Variants in JPH3 observed in about 807,000 individuals in gnomAD.
The protein encoded by JPH3 is junctophilin 3.
A neutral mutation model predicts 59.6 loss-of-function variants in JPH3; 11 were observed. The ratio of observed to expected loss-of-function variants is 0.18; its 90% confidence interval spans 0.12 to 0.31. JPH3 has a LOEUF of 0.31. Among genes scored for constraint, JPH3 ranks in the 10% least tolerant of loss-of-function variants. The pLI is 1.00. For synonymous variants in JPH3, 673 were observed against 483.6 expected (o/e 1.39, Z -5.14); for missense variants, 1,202 against 1,105.7 (o/e 1.09, Z -1.24).
chr16:87,635,787 C>G (rs933627064), intron 1 of JPH3, among the ~76,000 whole-genome samples: 1 of 152,186 alleles, frequency 6.6e-6, no homozygotes, highest in African/African-American at 2.4e-5. Flanking sequence ...CCACGTCTTC[C>G]GACTTCCTCT....
chr16:87,694,004 C>T (rs1261438320), intron 4 of JPH3: 4 of 152,382 alleles, frequency 2.6e-5, no homozygotes, highest in Middle Eastern at 6.8e-3. Context: ...AGGAGCCTCC[C>T]GAGGAAGCTG....
chr16:87,674,905 C>T (rs1025125755), intron 2 of JPH3, among the ~76,000 whole-genome samples: 4 of 152,000 alleles, frequency 2.6e-5, no homozygotes, highest in African/African-American at 7.3e-5. Context: ...GGACTACAGG[C>T]GCCTGCCACC....
intron 3 of JPH3, 137 bp downstream of exon 3, chr16:87,684,403 C>T: frequency 7.3e-7 from 1 of 1,365,988 alleles, no homozygotes; most frequent in Non-Finnish European, 9.9e-7. Flanking sequence ...TGCCCGGTGT[C>T]TTCCTCTCCC....
intron 2 of JPH3, among the ~76,000 whole-genome samples, chr16:87,663,239 G>A (rs1439694974): frequency 1.3e-5 from 2 of 151,882 alleles, no homozygotes; most frequent in Non-Finnish European, 2.9e-5. Flanking sequence ...CTCCCAAGTA[G>A]TTGGGACTAC....
At chr16:87,630,463 G>A (rs1194898700) in intron 1 of JPH3, among the ~76,000 whole-genome samples, 1 of 151,526 alleles carries the variant, frequency 6.6e-6, no homozygotes, top group African/African-American at 2.4e-5. Context: ...TGGGGAGCAG[G>A]ACTGTGCATC....
At chr16:87,620,867 ACTGGGCCCCTGGG>A (rs2031160318) in intron 1 of JPH3, among the ~76,000 whole-genome samples, 1 of 152,162 alleles carries the variant, frequency 6.6e-6, no homozygotes, top group African/African-American at 2.4e-5. Context: ...TTCGAAAGAA[ACTGGGCCCCTGGG>A]CTGGGTACGG....
At chr16:87,672,093 G>T (rs1016664555) in intron 2 of JPH3, among the ~76,000 whole-genome samples, 1 of 152,072 alleles carries the variant, frequency 6.6e-6, no homozygotes, top group Non-Finnish European at 1.5e-5. Context: ...GCCGGGCGGG[G>T]TTCACCTGCT....
rs199666710 is a variant in JPH3, at chr16:87,696,600, G to T, written c.2187G>T (p.Val729=). The change falls in exon 5 of 5, where the codon GTG becomes GTT. Residue 729 remains valine, a synonymous_variant. Transcript: ENST00000284262. The part of the protein sequence containing the change: ...KSSTGSAPIL[V]VMVILLNIGV... ...TCCAGGGCTCAGCGCCTATCCTGGT[G>T]GTCATGGTGATCTTGCTCAACATCG... 6.2e-7 allele frequency: 1 copy of T among 1,613,566 alleles called. No individual in the cohort carries two copies.
At chr16:87,673,134 C>T (rs927850386) in intron 2 of JPH3, among the ~76,000 whole-genome samples, 4 of 150,562 alleles carry the variant, frequency 2.7e-5, no homozygotes, top group East Asian at 3.9e-4. Flanking sequence ...CGACACAGTG[C>T]GACTCTGTCA....
In JPH3 at chr16:87,640,524, G is replaced by C. The variant is rs181874904; in HGVS notation, c.383-3734G>C. Reference sequence around the variant, plus strand: ...TCCTGCCTCAGCCTCTTGAGTACCTGGGATTACAGGCACCCATCACCATGC... The same window carrying C: ...TCCTGCCTCAGCCTCTTGAGTACCTCGGATTACAGGCACCCATCACCATGC... On this transcript the variant is annotated intron_variant, in intron 1 of 4. Coordinates refer to ENST00000284262, the MANE Select transcript of JPH3 (RefSeq NM_020655.4). 1.1e-4 allele frequency among the ~76,000 whole-genome samples: 16 copies of C among 151,802 alleles called. No individual in the cohort carries two copies. In the East Asian group the frequency reaches 3.0e-3, roughly 28 times the overall value.
Position 87,690,409 on chromosome 16 carries a change from G to A in JPH3, c.2049G>A (p.Leu683=), listed in dbSNP as rs1322155062. 1 of 1,504,646 alleles carries A rather than the reference G, an allele frequency of 6.6e-7. No individual in the cohort carries two copies. Among genetic ancestry groups the A allele is most frequent in the Non-Finnish European group, 8.9e-7 (1 of 1,129,266 alleles). The allele number at this position is 1,504,646 out of a possible 1,614,324, so 93.2% of individuals were successfully genotyped here. A position where few individuals can be genotyped will look rare whatever the true frequency, so the allele number is the denominator to read the frequency against. The change falls in exon 4 of 5, where the codon CTG becomes CTA. Residue 683 remains leucine (L), a synonymous_variant. Transcript: ENST00000284262. Reference sequence around the variant, plus strand: ...TGCAGAAACTGGCGAGCCTGCGGCTGGGCGGGGCCGAGCCCCGGTTGCTGC... The same window carrying A: ...TGCAGAAACTGGCGAGCCTGCGGCTAGGCGGGGCCGAGCCCCGGTTGCTGC... ...PAVQKLASLR[L]GGAEPRLLRW...
chr16:87,658,745 C>G (rs1003580010), intron 2 of JPH3, among the ~76,000 whole-genome samples: 6 of 152,216 alleles, frequency 3.9e-5, no homozygotes, highest in African/African-American at 1.2e-4. Context: ...GCTGCCTTTC[C>G]TAAGCCCCTC....
chr16:87,679,739 C>T (rs1033235020), intron 2 of JPH3, among the ~76,000 whole-genome samples: 4 of 152,240 alleles, frequency 2.6e-5, no homozygotes, highest in Non-Finnish European at 4.4e-5. Context: ...AGCCTTAGTC[C>T]GGGTGGCCAC....
chr16:87,647,138 C>T (rs950679542), intron 2 of JPH3, among the ~76,000 whole-genome samples: 3 of 152,184 alleles, frequency 2.0e-5, no homozygotes, highest in Admixed American at 2.0e-4. Flanking sequence ...TTTGGGGGGC[C>T]CAGGGGCTCT....
intron 2 of JPH3, among the ~76,000 whole-genome samples, chr16:87,672,506 G>T (rs2033043650): frequency 6.6e-6 from 1 of 152,368 alleles, no homozygotes; most frequent in South Asian, 2.1e-4. Context: ...CACATGACGG[G>T]GGTGGACAGA....
chr16:87,687,158 T>C (rs2033438778), intron 3 of JPH3, among the ~76,000 whole-genome samples: 1 of 152,160 alleles, frequency 6.6e-6, no homozygotes, highest in Admixed American at 6.5e-5. Flanking sequence ...CCCGGGGCCT[T>C]CTCGGCTGCT....
chr16:87,692,290 G>A (rs542085712), intron 4 of JPH3, among the ~76,000 whole-genome samples: 12 of 152,142 alleles, frequency 7.9e-5, no homozygotes, highest in South Asian at 4.2e-4. Flanking sequence ...GTAGAGGCGC[G>A]GTCAATCCTA....
intron 2 of JPH3, among the ~76,000 whole-genome samples, chr16:87,657,575 A>G (rs1229625708): frequency 1.3e-5 from 2 of 152,354 alleles, no homozygotes; most frequent in African/African-American, 4.8e-5. Flanking sequence ...AATCATATAT[A>G]GAAAGGATGT....
At chr16:87,681,983 C>G (rs1208321186) in intron 2 of JPH3, among the ~76,000 whole-genome samples, 1 of 152,108 alleles carries the variant, frequency 6.6e-6, no homozygotes, top group African/African-American at 2.4e-5. Flanking sequence ...GGACCCTCTG[C>G]TTGTGGCGGG....
Sources: allele counts gnomAD v4.1 joint callset (sites outside exome capture counted in the v4.1 genomes callset), GRCh38; gene constraint gnomAD v4.1.1; transcripts MANE v1.5; gene names NCBI Gene and HGNC (gene_info 2026-07-23, HGNC 2026-07-21).